Variants in SERINC5 observed in about 807,000 individuals in gnomAD.
SERINC5 encodes chromosome 5 open reading frame 12.
In SERINC5, 41 loss-of-function variants were observed where a neutral mutation model predicts 63.1. That is an observed-to-expected ratio of 0.65 (90% CI 0.51 to 0.84). The LOEUF (loss-of-function observed/expected upper bound fraction) is 0.84, where lower values mean the gene tolerates loss of function less well. Ranked by LOEUF, SERINC5 falls within the 40% of genes least tolerant of loss-of-function variation. SERINC5 has a pLI of 0.00. For missense variants in SERINC5, 523 were observed against 573.0 expected, an observed-to-expected ratio of 0.91 and a Z score of 0.89; for synonymous variants, 222 against 215.2, an observed-to-expected ratio of 1.03 and a Z score of -0.28.
downstream of SERINC5, among the ~76,000 whole-genome samples, chr5:80,137,270 C>G (rs149096608): frequency 1.7e-3 from 259 of 151,902 alleles, 1 homozygote; most frequent in Middle Eastern, 0.01. Context: ...AAAGAGATAT[C>G]CATACCCCTA....
In SERINC5 at chr5:80,210,633, C is replaced by T. The variant is rs75882944; in HGVS notation, c.28-7580G>A. On this transcript the variant is annotated intron_variant, in intron 1 of 11. Transcript: ENST00000507668. ...TACAAAATCGGCATGCACACACACA[C>T]AACACATGTACCTTAATCATAAAAG... is the stretch of plus-strand genomic sequence containing the variant. Among the ~76,000 whole-genome samples, 498 of 152,276 alleles carry T rather than the reference C, an allele frequency of 3.3e-3. 3 individuals are homozygous for T. The highest frequency in any genetic ancestry group is 0.012 in the African/African-American group (480 of 41,556).
chr5:80,171,874 C>T (rs1747685727), intron 5 of SERINC5, among the ~76,000 whole-genome samples: 1 of 151,682 alleles, frequency 6.6e-6, no homozygotes, highest in African/African-American at 2.4e-5. Flanking sequence ...GAGTGAGACC[C>T]TGTCTCTTTA....
chr5:80,242,535 A>G (rs1289254971), intron 1 of SERINC5, among the ~76,000 whole-genome samples: 1 of 152,114 alleles, frequency 6.6e-6, no homozygotes, highest in Admixed American at 6.6e-5. Context: ...GTGGATCACG[A>G]GGTCAAGAGT....
Position 80,255,976 on chromosome 5 carries a change from C to G in SERINC5, c.-54G>C. ...GCTGGCTCCCCGCGCCGCACGGGCC[C>G]TCCTGGCTGCCTCGCGCCTCGAGCG... On this transcript the variant is annotated 5_prime_UTR_variant, in exon 1 of 12. Transcript: ENST00000507668. 2 of 1,468,466 alleles carry G rather than the reference C, an allele frequency of 1.4e-6. No homozygotes were observed. Among genetic ancestry groups the G allele is most frequent in the South Asian group, 2.7e-5 (2 of 75,284 alleles). 91.0% of individuals were successfully genotyped at this position (1,468,466 alleles called of 1,614,324 possible).
At chr5:80,176,576 CA>C (rs200753764) in intron 4 of SERINC5, among the ~76,000 whole-genome samples, 3,995 of 152,210 alleles carry the variant, frequency 0.026, 58 homozygotes, top group Middle Eastern at 0.051. Flanking sequence ...GGATTACAGG[CA>C]CACACCACCA....
At chr5:80,238,033 G>C (rs1215157384) in intron 1 of SERINC5, among the ~76,000 whole-genome samples, 2 of 149,850 alleles carry the variant, frequency 1.3e-5, no homozygotes, top group East Asian at 3.9e-4. Flanking sequence ...GAACCCGGGA[G>C]GCAGAGATTG....
At position 80,175,009 on chromosome 5, in the gene SERINC5, T is replaced by C. The variant is rs1375138892; in HGVS notation, c.496A>G (p.Ile166Val). Residue 166 changes from isoleucine (I) to valine (V), a missense_variant, in exon 5 of 12, where the codon ATT (isoleucine) becomes GTT (valine). Ile to Val is a conservative substitution (Grantham distance 29, BLOSUM62 3). Transcript: ENST00000507668. ...ACGAGCAGGAGGAGCTGGATGCCAATGAAGAGGAAGCCTCCGACGGCTCCC... is the reference window on the plus strand; with the variant it reads ...ACGAGCAGGAGGAGCTGGATGCCAACGAAGAGGAAGCCTCCGACGGCTCCC... ...YVGAVGGFLF[I>V]GIQLLLLVEF... 8 of 1,602,600 alleles carry C rather than the reference T, an allele frequency of 5.0e-6. No homozygotes were observed. The highest frequency in any genetic ancestry group is 6.0e-6 in the Non-Finnish European group (7 of 1,174,454).
intron 1 of SERINC5, among the ~76,000 whole-genome samples, chr5:80,250,353 A>T (rs116714286): frequency 2.0e-5 from 3 of 151,968 alleles, no homozygotes; most frequent in South Asian, 4.2e-4. Context: ...CATTATTATT[A>T]TTTTTTGAAA....
At chr5:80,154,737 T>C (rs1303122151) in intron 8 of SERINC5, among the ~76,000 whole-genome samples, 2 of 152,234 alleles carry the variant, frequency 1.3e-5, no homozygotes, top group African/African-American at 4.8e-5. Flanking sequence ...AGGAAGTTGT[T>C]TGACATTGAA....
intron 5 of SERINC5, among the ~76,000 whole-genome samples, chr5:80,173,160 G>A (rs1580109206): frequency 6.7e-6 from 1 of 149,642 alleles, no homozygotes. Flanking sequence ...GGAAAGGAAA[G>A]AAAGGAAAGC....
At chr5:80,122,039 A>C (rs1187277020) in intron 11 of SERINC5, among the ~76,000 whole-genome samples, 1 of 151,688 alleles carries the variant, frequency 6.6e-6, no homozygotes, top group African/African-American at 2.4e-5. Context: ...CCCTTTCTCC[A>C]CCTCCAAATA....
At position 80,256,043 on chromosome 5, in the gene SERINC5, C is replaced by A; in HGVS notation, c.-121G>T. On this transcript the variant is annotated 5_prime_UTR_variant, in exon 1 of 12. Coordinates refer to ENST00000507668, the MANE Select transcript of SERINC5 (RefSeq NM_001174072.3). Reference sequence around the variant, plus strand: ...CTCACACTTGAACGAAGATCAGCCTCGGCGAAGCGCCTAGGCGCCGAGGCC... The same window carrying A: ...CTCACACTTGAACGAAGATCAGCCTAGGCGAAGCGCCTAGGCGCCGAGGCC... 1 of 1,093,130 alleles carries A rather than the reference C, an allele frequency of 9.1e-7. No homozygotes were observed. Among genetic ancestry groups the A allele is most frequent in the Non-Finnish European group, 1.2e-6 (1 of 813,758 alleles). The allele number at this position is 1,093,130 out of a possible 1,614,324, so 67.7% of individuals were successfully genotyped here.
At chr5:80,166,088 A>T (rs1407173230) in intron 7 of SERINC5, among the ~76,000 whole-genome samples, 1 of 152,100 alleles carries the variant, frequency 6.6e-6, no homozygotes, top group Non-Finnish European at 1.5e-5. Context: ...TCATGCACTG[A>T]TCTTTTGTGT....
chr5:80,165,269 A>G (rs1211488861), intron 7 of SERINC5, among the ~76,000 whole-genome samples: 1 of 152,180 alleles, frequency 6.6e-6, no homozygotes, highest in Non-Finnish European at 1.5e-5. Flanking sequence ...TTTCCACTAT[A>G]AACAGCAACA....
chr5:80,229,086 C>T (rs1232938888), intron 1 of SERINC5, among the ~76,000 whole-genome samples: 3 of 125,034 alleles, frequency 2.4e-5, no homozygotes, highest in African/African-American at 5.8e-5. Flanking sequence ...TGCAGTGGTG[C>T]GATCTCGGCT....
chr5:80,146,637 G>T (rs548534963), intron 10 of SERINC5, among the ~76,000 whole-genome samples: 4 of 152,088 alleles, frequency 2.6e-5, no homozygotes, highest in Non-Finnish European at 5.9e-5. Flanking sequence ...TTGTTTTTTA[G>T]TAGAGACAGG....
At chr5:80,248,665 A>T (rs1752262101) in intron 1 of SERINC5, among the ~76,000 whole-genome samples, 1 of 152,208 alleles carries the variant, frequency 6.6e-6, no homozygotes, top group African/African-American at 2.4e-5. Flanking sequence ...CATTGTGCCC[A>T]CATCTTTATA....
Position 80,169,497 on chromosome 5 carries a change from C to A in SERINC5, c.601G>T (p.Val201Leu), listed in dbSNP as rs1373349611. 7 of 1,613,764 alleles carry A rather than the reference C, an allele frequency of 4.3e-6. No homozygotes were observed. The African/African-American group carries it at 5.3e-5, about 12-fold the overall frequency. Residue 201 changes from valine (V) to leucine (L), a missense_variant, in exon 6 of 12, where the codon GTG becomes TTG. Physicochemically the swap from Val to Leu is conservative, Grantham distance 32. Transcript: ENST00000507668. The stretch of plus-strand genomic sequence containing the variant: ...GCAATGGAATACATGATGAGCGTCA[C>A]CAGGGCCAGGGAGGCGTACCACAGC... ...NKLWYASLAL[V>L]TLIMYSIATG... is the part of the protein sequence containing the mutation.
downstream of SERINC5, among the ~76,000 whole-genome samples, chr5:80,136,044 T>G (rs182309736): frequency 6.6e-6 from 1 of 152,104 alleles, no homozygotes; most frequent in Non-Finnish European, 1.5e-5. Flanking sequence ...TTCTATGCAC[T>G]TCCTACTACT....
Sources: gnomAD v4.1 joint callset for allele counts (sites outside exome capture counted in the v4.1 genomes callset) on GRCh38, gnomAD v4.1.1 for gene constraint, MANE v1.5 for transcripts, NCBI Gene and HGNC (gene_info 2026-07-23, HGNC 2026-07-21) for gene names.